NRXN3: variants seen among roughly 807,000 people sequenced by gnomAD.
The protein encoded by NRXN3 is neurexin III.
In NRXN3, 32 loss-of-function variants were observed where a neutral mutation model predicts 137.6. The observed-to-expected ratio is 0.23, with a 90% CI of 0.18 to 0.31. The LOEUF is 0.31. NRXN3 is among the 10% of genes least tolerant of loss of function. The pLI, the probability that NRXN3 is intolerant of heterozygous loss-of-function variation, is 1.00. For synonymous variants in NRXN3, 798 were observed against 784.5 expected (o/e 1.02, Z -0.29); for missense variants, 1,574 against 2,062.5 (o/e 0.76, Z 4.59).
At chr14:79,007,453 T>C (rs1452229218) in intron 15 of NRXN3, among the ~76,000 whole-genome samples, 1 of 128,780 alleles carries the variant, frequency 7.8e-6, no homozygotes, top group Non-Finnish European at 1.7e-5. Context: ...AAAAAAGTCA[T>C]GAACTTTTTT....
chr14:78,296,855 A>G (rs1190746583), intron 3 of NRXN3, among the ~76,000 whole-genome samples: 2 of 152,026 alleles, frequency 1.3e-5, no homozygotes, highest in African/African-American at 4.8e-5. Flanking sequence ...ATATCCCTGA[A>G]TTTTGCTCAG....
At chr14:79,079,849 G>A (rs570139183) in intron 15 of NRXN3, among the ~76,000 whole-genome samples, 22 of 152,162 alleles carry the variant, frequency 1.4e-4, no homozygotes, top group South Asian at 1.0e-3. Flanking sequence ...TTAGCCGGGC[G>A]TGGTGGTGCA....
At chr14:78,304,627 C>T (rs1309623660) in intron 4 of NRXN3, among the ~76,000 whole-genome samples, 2 of 152,180 alleles carry the variant, frequency 1.3e-5, no homozygotes, top group Admixed American at 1.3e-4. Flanking sequence ...ATTGCCCGTT[C>T]TGGATGAGGT....
intron 15 of NRXN3, among the ~76,000 whole-genome samples, chr14:79,196,246 T>C (rs1234578738): frequency 6.6e-6 from 1 of 152,202 alleles, no homozygotes; most frequent in East Asian, 1.9e-4. Flanking sequence ...GTTAGTTTTA[T>C]GTTGCCATAA....
intron 16 of NRXN3, among the ~76,000 whole-genome samples, chr14:79,658,440 G>A (rs992176503): frequency 3.3e-5 from 5 of 152,118 alleles, no homozygotes; most frequent in Admixed American, 6.6e-5. Context: ...CAAAGAAGCC[G>A]CTACCAGGAG....
At chr14:79,018,046 G>C (rs1463816556) in intron 15 of NRXN3, among the ~76,000 whole-genome samples, 1 of 151,662 alleles carries the variant, frequency 6.6e-6, no homozygotes, top group African/African-American at 2.4e-5. Context: ...GATCACCTGA[G>C]GTCAGGAGTT....
chr14:79,810,802 C>T (rs928519803), intron 20 of NRXN3, among the ~76,000 whole-genome samples: 2 of 152,140 alleles, frequency 1.3e-5, no homozygotes, highest in Non-Finnish European at 2.9e-5. Context: ...TTTGCTGGAA[C>T]ATGGTAGAAA....
chr14:79,611,913 T>C (rs547547331), intron 16 of NRXN3: 1 of 152,336 alleles, frequency 6.6e-6, no homozygotes, highest in African/African-American at 2.4e-5. Flanking sequence ...TACTAAGTCA[T>C]GAATAAATAG....
At chr14:78,452,188 G>C (rs142618137) in intron 4 of NRXN3, among the ~76,000 whole-genome samples, 37 of 152,304 alleles carry the variant, frequency 2.4e-4, no homozygotes, top group Middle Eastern at 3.4e-3. Flanking sequence ...TATTGGCCAA[G>C]AGCAAAGATG....
intron 15 of NRXN3, among the ~76,000 whole-genome samples, chr14:79,014,331 C>G (rs2099575739): frequency 6.6e-6 from 1 of 152,172 alleles, no homozygotes; most frequent in South Asian, 2.1e-4. Flanking sequence ...ATGCTTAGCT[C>G]CCATTTTTTA....
chr14:78,496,944 G>C (rs1172603374), intron 4 of NRXN3, among the ~76,000 whole-genome samples: 1 of 152,074 alleles, frequency 6.6e-6, no homozygotes, highest in African/African-American at 2.4e-5. Context: ...CATGTGACTA[G>C]CATGAGTTAA....
intron 16 of NRXN3, among the ~76,000 whole-genome samples, chr14:79,516,318 T>C (rs1218463888): frequency 6.6e-6 from 1 of 152,132 alleles, no homozygotes; most frequent in Non-Finnish European, 1.5e-5. Flanking sequence ...CTGCCTGTTT[T>C]CCAGGTGACC....
At chr14:79,139,821 A>G (rs986611289) in intron 15 of NRXN3, among the ~76,000 whole-genome samples, 8 of 151,890 alleles carry the variant, frequency 5.3e-5, no homozygotes, top group African/African-American at 1.4e-4. Flanking sequence ...CATAATCTGA[A>G]TTTAACTCCA....
chr14:78,977,801 A>C (rs927334501), intron 14 of NRXN3, among the ~76,000 whole-genome samples: 5 of 152,146 alleles, frequency 3.3e-5, no homozygotes, highest in Non-Finnish European at 7.4e-5. Flanking sequence ...ATTTCTAGGA[A>C]TTTTGTAAGC....
chr14:78,498,112 G>A (rs1371438249), intron 4 of NRXN3, among the ~76,000 whole-genome samples: 2 of 152,158 alleles, frequency 1.3e-5, no homozygotes, highest in African/African-American at 4.8e-5. Context: ...CTAACACAGT[G>A]CTTGGCACAT....
chr14:78,680,680 G>A (rs902004720), intron 6 of NRXN3, among the ~76,000 whole-genome samples: 1 of 152,100 alleles, frequency 6.6e-6, no homozygotes, highest in African/African-American at 2.4e-5. Context: ...TTTATCAACT[G>A]GAACAAACAA....
chr14:78,261,540 C>T (rs954034807), intron 2 of NRXN3, among the ~76,000 whole-genome samples: 1 of 152,072 alleles, frequency 6.6e-6, no homozygotes. Flanking sequence ...ATCCAAAAGG[C>T]TTTTTGTCAA....
chr14:79,339,446 AG>A (rs1566845650), intron 15 of NRXN3, among the ~76,000 whole-genome samples: 1 of 152,230 alleles, frequency 6.6e-6, no homozygotes, highest in Non-Finnish European at 1.5e-5. Context: ...ACAACCTTCC[AG>A]GTGTTGCTGA....
At chr14:78,843,531 A>G (rs1186541150) in intron 10 of NRXN3, among the ~76,000 whole-genome samples, 2 of 152,142 alleles carry the variant, frequency 1.3e-5, no homozygotes, top group Non-Finnish European at 2.9e-5. Flanking sequence ...CTTTTAGGCG[A>G]AATTCACCCT....
Sources: gnomAD v4.1 joint callset for allele counts (sites outside exome capture counted in the v4.1 genomes callset) on GRCh38, gnomAD v4.1.1 for gene constraint, MANE v1.5 for transcripts, NCBI Gene and HGNC (gene_info 2026-07-23, HGNC 2026-07-21) for gene names.